Variants in ELF1 observed in about 807,000 individuals in gnomAD.
ELF1 encodes the protein E74 like ETS transcription factor 1.
Under a neutral mutation model 59.9 loss-of-function variants are expected in ELF1, and 24 were observed. That is an observed-to-expected ratio of 0.40 (90% confidence interval 0.29 to 0.56). ELF1 has a LOEUF of 0.56. Ranked by LOEUF, ELF1 falls within the 20% of genes least tolerant of loss-of-function variation. The pLI is 0.44. For synonymous variants in ELF1, 248 were observed against 266.2 expected (o/e 0.93, Z 0.67); for missense variants, 627 against 742.2 (o/e 0.84, Z 1.80).
intron 5 of ELF1, among the ~76,000 whole-genome samples, chr13:40,947,456 C>T (rs1407368040): frequency 6.6e-6 from 1 of 152,212 alleles, no homozygotes; most frequent in African/African-American, 2.4e-5. Context: ...GCAGGAGAAT[C>T]ACCTGAACCC....
chr13:40,980,760 CACAA>C, intron 2 of ELF1, among the ~76,000 whole-genome samples: 1 of 152,288 alleles, frequency 6.6e-6, no homozygotes, highest in African/African-American at 2.4e-5. Flanking sequence ...TTAATATACA[CACAA>C]ACATCCTGTC....
exon 1 of ELF1, chr13:41,060,879 C>G: frequency 2.9e-6 from 1 of 340,622 alleles, no homozygotes; most frequent in Non-Finnish European, 5.8e-6. Flanking sequence ...CCGCACCTCT[C>G]GCCACCGCCG....
In ELF1 at chr13:40,989,381, C is replaced by G. The variant is rs556212615; in HGVS notation, c.-228-7099G>C. Among the ~76,000 whole-genome samples the G allele has an allele frequency of 2.0e-5, 3 of 152,208 alleles. No homozygotes were observed. In the East Asian group the frequency reaches 5.8e-4, roughly 29 times the overall value. On this transcript the variant is annotated intron_variant, in intron 1 of 8. Coordinates refer to ENST00000239882, the MANE Select transcript of ELF1 (RefSeq NM_172373.4). ...AATTGAAAAAGAAAATGTTTCTATA[C>G]CCCAACTGTTCATTTAAATTTTTTC...
At chr13:41,054,540 C>T (rs983152637) in intron 1 of ELF1, among the ~76,000 whole-genome samples, 2 of 152,260 alleles carry the variant, frequency 1.3e-5, no homozygotes, top group South Asian at 2.1e-4. Flanking sequence ...ACTGCCAGTC[C>T]GCTGCAATAA....
intron 1 of ELF1, among the ~76,000 whole-genome samples, chr13:41,041,260 CAAAA>C (rs11326566): frequency 6.9e-5 from 8 of 115,230 alleles, no homozygotes; most frequent in Non-Finnish European, 8.9e-5. Flanking sequence ...CTGGTTTCAT[CAAAA>C]AAAAAAAAAA....
chr13:40,999,600 T>G (rs7330625), intron 1 of ELF1, among the ~76,000 whole-genome samples: 27,605 of 152,142 alleles, frequency 0.18, 2,681 homozygotes, highest in African/African-American at 0.22. Flanking sequence ...GGTCGATGAC[T>G]ATAAAGCCCA....
chr13:40,986,329 A>G (rs1873547029), intron 1 of ELF1, among the ~76,000 whole-genome samples: 1 of 152,204 alleles, frequency 6.6e-6, no homozygotes, highest in Non-Finnish European at 1.5e-5. Flanking sequence ...AAAACGGGTA[A>G]AGTAATACCA....
At chr13:40,996,627 T>A (rs1356606352) in intron 1 of ELF1, among the ~76,000 whole-genome samples, 1 of 152,142 alleles carries the variant, frequency 6.6e-6, no homozygotes, top group Non-Finnish European at 1.5e-5. Context: ...TGTAGGTTCA[T>A]CAACTGTAAC....
chr13:41,005,819 T>C (rs571222286), intron 1 of ELF1, among the ~76,000 whole-genome samples: 17 of 146,436 alleles, frequency 1.2e-4, no homozygotes, highest in Admixed American at 9.0e-4. Flanking sequence ...CCCAAACTAA[T>C]AATCAATCCT....
At chr13:41,045,935 C>T (rs1474359485) in intron 1 of ELF1, among the ~76,000 whole-genome samples, 1 of 152,156 alleles carries the variant, frequency 6.6e-6, no homozygotes, top group African/African-American at 2.4e-5. Flanking sequence ...CTCTATAGGT[C>T]TCTAAGGACT....
intron 1 of ELF1, chr13:40,993,379 T>TG (rs774040209): frequency 2.1e-6 from 2 of 933,888 alleles, no homozygotes; most frequent in Non-Finnish European, 3.5e-6. Context: ...GTGTGGGCAG[T>TG]GCACCGATGG....
Position 41,038,066 on chromosome 13 carries a change from T to TAAA in ELF1, c.-229+22769_-229+22771dup, listed in dbSNP as rs4053825. 1.5e-3 allele frequency among the ~76,000 whole-genome samples: 191 copies of TAAA among 126,596 alleles called. 2 individuals carry two copies. The highest frequency in any genetic ancestry group is 4.4e-3 in the African/African-American group (145 of 32,696). The allele number at this position is 126,596 out of a possible 152,430, so 83.1% of individuals were successfully genotyped here. A position where few individuals can be genotyped will look rare whatever the true frequency, so the allele number is the denominator to read the frequency against. ...CTATGTTAGCAAAGTGAAGAAACCT[T>TAAA]AAAAAAAAAAAAAAAAAGGAATAGT... is the stretch of plus-strand genomic sequence containing the variant. On this transcript the variant is annotated intron_variant, in intron 1 of 1. Coordinates refer to the ELF1 transcript ENST00000405737.
chr13:40,993,435 C>T (rs927996882), intron 1 of ELF1: 5 of 633,082 alleles, frequency 7.9e-6, no homozygotes, highest in Non-Finnish European at 1.4e-5. Context: ...TAGCGGAGCC[C>T]GTTTGCTACT....
chr13:41,052,816 T>C (rs999986687), intron 1 of ELF1, among the ~76,000 whole-genome samples: 12 of 152,246 alleles, frequency 7.9e-5, no homozygotes, highest in Non-Finnish European at 1.8e-4. Context: ...CTAAATGATC[T>C]ACATTATATG....
At chr13:40,953,919 T>C (rs1029360500) in intron 3 of ELF1, among the ~76,000 whole-genome samples, 6 of 152,210 alleles carry the variant, frequency 3.9e-5, no homozygotes, top group African/African-American at 1.2e-4. Context: ...ATGCCTTCCC[T>C]GATGACTAGA....
rs182328834 is a variant in ELF1 at position 40,950,349 on chromosome 13, A to G, written c.362-376T>C. Among the ~76,000 whole-genome samples, 891 of 152,374 alleles carry G rather than the reference A, an allele frequency of 5.8e-3. 11 individuals are homozygous for G. Among genetic ancestry groups the G allele is most frequent in the Admixed American group, 0.012 (177 of 15,300 alleles). The stretch of plus-strand genomic sequence containing the variant: ...GGAAAAACAAAAAACAAACAAAAAA[A>G]TAATCACAACCCATCTCTATAGCAT... On this transcript the variant is annotated intron_variant, in intron 4 of 8. Transcript: ENST00000239882.
At chr13:41,029,776 G>A (rs529526184) in intron 1 of ELF1, among the ~76,000 whole-genome samples, 28 of 152,308 alleles carry the variant, frequency 1.8e-4, no homozygotes, top group Non-Finnish European at 3.8e-4. Flanking sequence ...TGGATAGAAA[G>A]GTGAATTCTC....
At chr13:40,987,342 A>G (rs1873607507) in intron 1 of ELF1, among the ~76,000 whole-genome samples, 1 of 149,162 alleles carries the variant, frequency 6.7e-6, no homozygotes, top group Non-Finnish European at 1.5e-5. Context: ...GCACTTTGGG[A>G]GGCCGAGGCG....
intron 1 of ELF1, among the ~76,000 whole-genome samples, chr13:41,038,746 G>A (rs1303895249): frequency 1.3e-5 from 2 of 152,174 alleles, no homozygotes; most frequent in Admixed American, 6.5e-5. Flanking sequence ...GCCAGGCGCA[G>A]TGGCTCACAC....
Sources: gnomAD v4.1 joint callset for allele counts (sites outside exome capture counted in the v4.1 genomes callset) on GRCh38, gnomAD v4.1.1 for gene constraint, MANE v1.5 for transcripts, NCBI Gene and HGNC (gene_info 2026-07-23, HGNC 2026-07-21) for gene names.